The following KLRF1 variants were observed in gnomAD, a reference collection of about 807,000 sequenced individuals.
KLRF1 encodes killer cell lectin-like receptor subfamily F member 1.
A neutral mutation model predicts 30.7 loss-of-function variants in KLRF1; 27 were observed. That is an observed-to-expected ratio of 0.88 (90% CI 0.65 to 1.21). KLRF1 has a LOEUF of 1.21. KLRF1 is among the 50% of genes most tolerant of loss of function. KLRF1 has a pLI of 0.00. For synonymous variants in KLRF1, 92 were observed against 89.3 expected (o/e 1.03, Z -0.17); for missense variants, 246 against 259.3 (o/e 0.95, Z 0.35).
rs1351608064 is a variant in KLRF1 at position 9,844,637 on chromosome 12, C to G, written c.*111C>G. On this transcript the variant is annotated 3_prime_UTR_variant, in exon 6 of 6. Transcript: ENST00000617889. ...TTAAAGTGCAATTAAATGCCAAAAT[C>G]TCTTCTCCCTTCTCCCTCCATCATC... 3 of 602,650 alleles carry G rather than the reference C, an allele frequency of 5.0e-6. No individual in the cohort carries two copies. The highest frequency in any genetic ancestry group is 5.9e-6 in the Non-Finnish European group (2 of 336,218). The allele number at this position is 602,650 out of a possible 1,614,324, so 37.3% of individuals were successfully genotyped here.
chr12:9,833,801 T>A (rs753662120), intron 3 of KLRF1, among the ~76,000 whole-genome samples: 1 of 152,128 alleles, frequency 6.6e-6, no homozygotes, highest in South Asian at 2.1e-4. Flanking sequence ...GTCAATATTT[T>A]AAAAATTATT....
chr12:9,809,350 T>C, the KLRF1 span, among the ~76,000 whole-genome samples: 1 of 152,118 alleles, frequency 6.6e-6, no homozygotes, highest in Non-Finnish European at 1.5e-5. Context: ...TTGAAATAAT[T>C]TTTATGTGAT....
chr12:9,836,802 A>C (rs999110236), intron 3 of KLRF1, among the ~76,000 whole-genome samples: 3 of 152,058 alleles, frequency 2.0e-5, no homozygotes, highest in African/African-American at 7.2e-5. Context: ...CCCTATCTGT[A>C]ATGTCTGTCA....
chr12:9,832,188 G>T (rs1031599914), intron 1 of KLRF1, 128 bp from the exon 2 acceptor site: 6 of 530,716 alleles, frequency 1.1e-5, no homozygotes, highest in Non-Finnish European at 1.7e-5. Flanking sequence ...TAGCCTTCAT[G>T]CTTTTGATTG....
At chr12:9,812,262 G>A in the KLRF1 span, among the ~76,000 whole-genome samples, 1 of 151,826 alleles carries the variant, frequency 6.6e-6, no homozygotes, top group African/African-American at 2.4e-5. Flanking sequence ...CTACTCGGGA[G>A]GCTGAGGCAG....
the KLRF1 span, among the ~76,000 whole-genome samples, chr12:9,813,245 A>G: frequency 1.3e-5 from 2 of 152,006 alleles, no homozygotes; most frequent in Admixed American, 1.3e-4. Context: ...TGGTTCTTTT[A>G]TGTCTTAACT....
upstream of KLRF1, among the ~76,000 whole-genome samples, chr12:9,824,076 A>G (rs1234207311): frequency 1.3e-5 from 2 of 152,176 alleles, no homozygotes; most frequent in African/African-American, 2.4e-5. Context: ...CATGGAAACT[A>G]TTCCAAAAAT....
At chr12:9,820,854 C>T in the KLRF1 span, among the ~76,000 whole-genome samples, 2 of 152,166 alleles carry the variant, frequency 1.3e-5, no homozygotes, top group African/African-American at 2.4e-5. Flanking sequence ...CCCTCCAGCA[C>T]ACCACAGTCA....
upstream of KLRF1, among the ~76,000 whole-genome samples, chr12:9,824,664 G>A (rs773079580): frequency 3.3e-5 from 5 of 152,252 alleles, no homozygotes; most frequent in Admixed American, 2.0e-4. Flanking sequence ...AGGAAGAGAG[G>A]ACGTAAAACT....
the KLRF1 span, among the ~76,000 whole-genome samples, chr12:9,811,177 C>CAA: frequency 5.3e-4 from 67 of 127,472 alleles, no homozygotes; most frequent in South Asian, 1.4e-3. Flanking sequence ...GAGTAGAAAG[C>CAA]AAAAAAAAAA....
the KLRF1 span, among the ~76,000 whole-genome samples, chr12:9,800,174 C>T: frequency 2.0e-5 from 3 of 152,040 alleles, no homozygotes; most frequent in Non-Finnish European, 4.4e-5. Flanking sequence ...AACATGTTTT[C>T]CAAGTGGCTG....
upstream of KLRF1, chr12:9,827,477 C>T (rs745911136): frequency 1.3e-6 from 1 of 799,746 alleles, no homozygotes; most frequent in East Asian, 2.8e-5. Flanking sequence ...ATTATTCTTT[C>T]CTCATTTCAT....
At chr12:9,820,481 GA>G in the KLRF1 span, among the ~76,000 whole-genome samples, 1 of 152,184 alleles carries the variant, frequency 6.6e-6, no homozygotes, top group Non-Finnish European at 1.5e-5. Flanking sequence ...AGTGGGAGGG[GA>G]AGGTTGCCAT....
intron 2 of KLRF1, among the ~76,000 whole-genome samples, chr12:9,832,913 G>A (rs760080243): frequency 2.0e-5 from 3 of 152,246 alleles, no homozygotes; most frequent in East Asian, 3.9e-4. Context: ...GGTGAGGAAT[G>A]TGATATTCTA....
intron 3 of KLRF1, among the ~76,000 whole-genome samples, chr12:9,839,574 T>G (rs1277668361): frequency 2.0e-5 from 3 of 152,008 alleles, no homozygotes; most frequent in Non-Finnish European, 4.4e-5. Context: ...TGGATAGACA[T>G]TTCTCCAAAA....
chr12:9,830,121 G>T (rs1319968771), intron 1 of KLRF1, among the ~76,000 whole-genome samples: 1 of 151,984 alleles, frequency 6.6e-6, no homozygotes, highest in African/African-American at 2.4e-5. Flanking sequence ...TTTGTATTGG[G>T]TTGGGACACT....
At chr12:9,827,073 C>T (rs753245072), upstream of KLRF1, among the ~76,000 whole-genome samples, 1 of 152,122 alleles carries the variant, frequency 6.6e-6, no homozygotes, top group East Asian at 1.9e-4. Flanking sequence ...GATTTATAAA[C>T]AATATTGTTT....
chr12:9,813,514 C>T, the KLRF1 span, among the ~76,000 whole-genome samples: 1 of 151,906 alleles, frequency 6.6e-6, no homozygotes, highest in South Asian at 2.1e-4. Flanking sequence ...GTCGCAATTT[C>T]GACTCTTTTC....
intron 3 of KLRF1, among the ~76,000 whole-genome samples, chr12:9,833,886 T>G (rs1047635717): frequency 3.6e-4 from 55 of 151,494 alleles, no homozygotes; most frequent in African/African-American, 1.3e-3. Flanking sequence ...TTACCTTCTA[T>G]TTTTAAATGT....
Sources: gnomAD v4.1 joint callset for allele counts (sites outside exome capture counted in the v4.1 genomes callset) on GRCh38, gnomAD v4.1.1 for gene constraint, MANE v1.5 for transcripts, NCBI Gene and HGNC (gene_info 2026-07-23, HGNC 2026-07-21) for gene names.